Variants in CHD9NB observed in about 807,000 individuals in gnomAD.
CHD9NB encodes the protein CHD9 neighbor.
chr16:53,044,977 C>T, the CHD9NB span, among the ~76,000 whole-genome samples: 1 of 152,134 alleles, frequency 6.6e-6, no homozygotes, highest in Non-Finnish European at 1.5e-5. Flanking sequence ...CACTCTGTTG[C>T]CCAGGCTGGA....
the CHD9NB span, among the ~76,000 whole-genome samples, chr16:53,042,166 C>G: frequency 6.6e-6 from 1 of 151,958 alleles, no homozygotes; most frequent in East Asian, 1.9e-4. Context: ...CTCCCTTTCT[C>G]CCTCCCTGCC....
At chr16:53,047,047 G>A in the CHD9NB span, among the ~76,000 whole-genome samples, 1 of 152,138 alleles carries the variant, frequency 6.6e-6, no homozygotes, top group Non-Finnish European at 1.5e-5. Flanking sequence ...GCAACCCAAA[G>A]ATGGATGGGA....
At chr16:53,038,640 T>G in the CHD9NB span, among the ~76,000 whole-genome samples, 1 of 152,160 alleles carries the variant, frequency 6.6e-6, no homozygotes, top group African/African-American at 2.4e-5. Flanking sequence ...TGTGAGCCAC[T>G]GCGCCCAGTC....
chr16:53,046,676 C>A, the CHD9NB span, among the ~76,000 whole-genome samples: 1 of 152,084 alleles, frequency 6.6e-6, no homozygotes, highest in Non-Finnish European at 1.5e-5. Context: ...CAGAGCTAGA[C>A]CCTGCCTTAA....
At chr16:53,038,914 A>G in the CHD9NB span, among the ~76,000 whole-genome samples, 3 of 152,234 alleles carry the variant, frequency 2.0e-5, no homozygotes, top group African/African-American at 7.2e-5. Flanking sequence ...TAAGAGTGAT[A>G]TAAGTGTTTG....
At chr16:53,044,129 C>T in the CHD9NB span, 4 of 398,696 alleles carry the variant, frequency 1.0e-5, no homozygotes, top group South Asian at 1.3e-4. Context: ...CAGCTGCCAC[C>T]GTGGTGCTCT....
chr16:53,037,617 G>A, the CHD9NB span, among the ~76,000 whole-genome samples: 2 of 152,232 alleles, frequency 1.3e-5, no homozygotes, highest in Admixed American at 6.5e-5. Flanking sequence ...CCAGAGTGGG[G>A]TTAATGGAGC....
chr16:53,038,751 A>G, the CHD9NB span, among the ~76,000 whole-genome samples: 733 of 152,270 alleles, frequency 4.8e-3, 4 homozygotes, highest in Middle Eastern at 0.014. Context: ...AGAATACAAC[A>G]AGGAAATGTG....
the CHD9NB span, among the ~76,000 whole-genome samples, chr16:53,051,144 C>G: frequency 1.3e-5 from 2 of 151,956 alleles, no homozygotes; most frequent in African/African-American, 4.8e-5. Context: ...GCCTCGGCCT[C>G]CCAAAGTACT....
the CHD9NB span, among the ~76,000 whole-genome samples, chr16:53,048,600 C>T: frequency 9.9e-5 from 15 of 152,162 alleles, no homozygotes; most frequent in Non-Finnish European, 1.9e-4. Context: ...AAACAAAAAG[C>T]GCTTGCCACT....
the CHD9NB span, among the ~76,000 whole-genome samples, chr16:53,039,466 C>A: frequency 6.6e-6 from 1 of 152,180 alleles, no homozygotes; most frequent in Non-Finnish European, 1.5e-5. Flanking sequence ...TCAAAGAAGG[C>A]TGGGCGCAGT....
chr16:53,039,362 C>A, the CHD9NB span, among the ~76,000 whole-genome samples: 1 of 152,190 alleles, frequency 6.6e-6, no homozygotes, highest in Non-Finnish European at 1.5e-5. Context: ...GCAGTCCCTT[C>A]TCAGTGGTTA....
the CHD9NB span, among the ~76,000 whole-genome samples, chr16:53,049,653 C>T: frequency 6.6e-6 from 1 of 152,008 alleles, no homozygotes. Context: ...TAGAAGGATG[C>T]GCAGAATATC....
At chr16:53,041,250 T>G in the CHD9NB span, among the ~76,000 whole-genome samples, 1 of 152,276 alleles carries the variant, frequency 6.6e-6, no homozygotes, top group Non-Finnish European at 1.5e-5. Flanking sequence ...AGGTTAAAGT[T>G]ATATTTCAGT....
chr16:53,049,426 T>C, the CHD9NB span, among the ~76,000 whole-genome samples: 1 of 152,114 alleles, frequency 6.6e-6, no homozygotes, highest in East Asian at 1.9e-4. Context: ...TCCTCCTGCC[T>C]CGGTCTCCCA....
At chr16:53,040,232 G>A in the CHD9NB span, among the ~76,000 whole-genome samples, 5 of 152,028 alleles carry the variant, frequency 3.3e-5, 1 homozygote, top group African/African-American at 1.2e-4. Flanking sequence ...ACCACACCCA[G>A]GTAATTTTTT....
chr16:53,037,727 C>A, the CHD9NB span, among the ~76,000 whole-genome samples: 5 of 152,180 alleles, frequency 3.3e-5, no homozygotes, highest in South Asian at 2.1e-4. Context: ...TTAAAATAAA[C>A]TTTACAGCAA....
the CHD9NB span, among the ~76,000 whole-genome samples, chr16:53,049,683 G>A: frequency 6.6e-6 from 1 of 152,222 alleles, no homozygotes; most frequent in South Asian, 2.1e-4. Flanking sequence ...AAGAGGGAAG[G>A]ACACAGTTGC....
the CHD9NB span, among the ~76,000 whole-genome samples, chr16:53,044,907 C>T: frequency 1.3e-5 from 2 of 152,156 alleles, no homozygotes; most frequent in East Asian, 1.9e-4. Context: ...AGTCACCTGC[C>T]TTCCAACCTC....
Sources: allele counts gnomAD v4.1 joint callset (sites outside exome capture counted in the v4.1 genomes callset), GRCh38; gene constraint gnomAD v4.1.1; transcripts MANE v1.5; gene names NCBI Gene and HGNC (gene_info 2026-07-23, HGNC 2026-07-21).